The following A1CF variants were observed in gnomAD, a reference collection of about 807,000 sequenced individuals.
A1CF encodes APOBEC1 complementation factor.
Under a neutral mutation model 68.9 loss-of-function variants are expected in A1CF, and 48 were observed. That is an observed-to-expected ratio of 0.70 (90% CI 0.55 to 0.89). The LOEUF is 0.89. Among genes scored for constraint, A1CF ranks in the 40% least tolerant of loss-of-function variants. A1CF has a pLI of 0.00. For missense variants in A1CF, 653 were observed against 718.9 expected (o/e 0.91, Z 1.05); for synonymous variants, 272 against 260.4 (o/e 1.04, Z -0.43).
At chr10:50,876,624 G>A (rs549508430) in intron 1 of A1CF, among the ~76,000 whole-genome samples, 101 of 152,210 alleles carry the variant, frequency 6.6e-4, no homozygotes, top group African/African-American at 1.8e-3. Flanking sequence ...CTCTTCTTGC[G>A]TCTCTAACCT....
At chr10:50,867,665 C>T (rs1841055021) in intron 1 of A1CF, among the ~76,000 whole-genome samples, 1 of 151,998 alleles carries the variant, frequency 6.6e-6, no homozygotes, top group Non-Finnish European at 1.5e-5. Flanking sequence ...TACACTTGCA[C>T]CCTATAAGTT....
chr10:50,863,816 G>C (rs559617152), intron 2 of A1CF, among the ~76,000 whole-genome samples: 1 of 151,948 alleles, frequency 6.6e-6, no homozygotes, highest in South Asian at 2.1e-4. Context: ...TAGTATAGTA[G>C]GGAAATTATA....
chr10:50,877,217 T>A (rs1841553198), intron 1 of A1CF, among the ~76,000 whole-genome samples: 1 of 152,246 alleles, frequency 6.6e-6, no homozygotes, highest in Non-Finnish European at 1.5e-5. Flanking sequence ...GTAGATATTC[T>A]TCAGCTTAAA....
At chr10:50,867,544 T>C (rs867248315) in intron 1 of A1CF, among the ~76,000 whole-genome samples, 36 of 151,962 alleles carry the variant, frequency 2.4e-4, no homozygotes, top group African/African-American at 8.7e-4. Context: ...GGTAATGAAG[T>C]GAAAAGGTGG....
At chr10:50,878,194 A>C (rs1261630946) in intron 1 of A1CF, among the ~76,000 whole-genome samples, 1 of 152,184 alleles carries the variant, frequency 6.6e-6, no homozygotes, top group Non-Finnish European at 1.5e-5. Flanking sequence ...TTTCTACTAC[A>C]AGCCAGTGAT....
At chr10:50,870,892 G>T (rs1455456578) in intron 1 of A1CF, among the ~76,000 whole-genome samples, 1 of 151,548 alleles carries the variant, frequency 6.6e-6, no homozygotes, top group African/African-American at 2.4e-5. Flanking sequence ...AATATACAAT[G>T]AACAAGATGG....
chr10:50,843,980 G>A lies in A1CF; in HGVS notation c.234+8C>T. On this transcript the variant is annotated splice_region_variant and intron_variant, in intron 4 of 12. Coordinates refer to ENST00000373997, the MANE Select transcript of A1CF (RefSeq NM_014576.4). ...ATAAGAAAAATTAAATGTTAAATTT[G>A]GACTCACTTTTTCACATAATGGTAT... 1.9e-6 allele frequency: 3 copies of A among 1,611,638 alleles called. No individual in the cohort carries two copies. The highest frequency in any genetic ancestry group is 2.5e-6 in the Non-Finnish European group (3 of 1,179,032).
In A1CF at chr10:50,836,159, T is replaced by A. The variant is rs1839479159; in HGVS notation, c.519A>T (p.Ala173=). Residue 173 remains alanine (A), a synonymous_variant, in exon 6 of 13, where the codon GCA becomes GCT. Coordinates refer to ENST00000373997, the MANE Select transcript of A1CF (RefSeq NM_014576.4). ...VVDVIVYPSA[A]DKTKNRGFAF... is the part of the protein sequence containing the mutation. The stretch of plus-strand genomic sequence containing the variant: ...CAAAGCCTCGGTTTTTGGTTTTATC[T>A]GCAGCGCTTGGGTAGACGATGACAT... The A allele has an allele frequency of 1.2e-6, 2 of 1,614,082 alleles. No homozygotes were observed. Among genetic ancestry groups the A allele is most frequent in the Non-Finnish European group, 1.7e-6 (2 of 1,179,930 alleles).
At chr10:50,833,525 T>A (rs1180290419) in intron 6 of A1CF, among the ~76,000 whole-genome samples, 1 of 150,076 alleles carries the variant, frequency 6.7e-6, no homozygotes, top group Non-Finnish European at 1.5e-5. Context: ...AGGAGGTAAG[T>A]GACTGAGGAG....
At chr10:50,811,381 A>T (rs1838104914) in intron 10 of A1CF, among the ~76,000 whole-genome samples, 1 of 152,198 alleles carries the variant, frequency 6.6e-6, no homozygotes, top group Non-Finnish European at 1.5e-5. Flanking sequence ...TCATAAAATC[A>T]CTTTCACACC....
intron 2 of A1CF, among the ~76,000 whole-genome samples, chr10:50,861,100 C>T (rs1286556233): frequency 6.6e-6 from 1 of 152,070 alleles, no homozygotes; most frequent in Non-Finnish European, 1.5e-5. Flanking sequence ...CCTTTAAAGA[C>T]TCAGAATGAA....
chr10:50,856,668 G>C (rs1004532238), intron 3 of A1CF, among the ~76,000 whole-genome samples: 1 of 152,038 alleles, frequency 6.6e-6, no homozygotes, highest in African/African-American at 2.4e-5. Flanking sequence ...AACTGTCTGT[G>C]CCTTGTTTTC....
At chr10:50,834,608 A>G (rs1402158956) in intron 6 of A1CF, among the ~76,000 whole-genome samples, 2 of 152,226 alleles carry the variant, frequency 1.3e-5, no homozygotes, top group East Asian at 3.9e-4. Flanking sequence ...ACACACAGCA[A>G]GGAGTTATGA....
chr10:50,819,870 T>C (rs190932669), intron 8 of A1CF, among the ~76,000 whole-genome samples: 2 of 152,336 alleles, frequency 1.3e-5, no homozygotes, highest in African/African-American at 4.8e-5. Context: ...CTCACCACGT[T>C]TATCTCTCTT....
intron 3 of A1CF, among the ~76,000 whole-genome samples, chr10:50,857,878 G>T (rs1362959598): frequency 6.6e-6 from 1 of 152,190 alleles, no homozygotes; most frequent in Non-Finnish European, 1.5e-5. Context: ...CATGAGGGCT[G>T]CTTCAAATAT....
rs757144362 is a variant in A1CF at position 50,806,891 on chromosome 10, A to T, written c.1610-11T>A. ...TAGGGACAGCATATCCTGGAGGAAGAGGCAGAGAAAACTTGATGAAAGGAA... is the reference window on the plus strand; with the variant it reads ...TAGGGACAGCATATCCTGGAGGAAGTGGCAGAGAAAACTTGATGAAAGGAA... On this transcript the variant is annotated splice_polypyrimidine_tract_variant and intron_variant, in intron 12 of 12. Transcript: ENST00000373997. 1 of 1,594,266 alleles carries T rather than the reference A, an allele frequency of 6.3e-7. No individual in the cohort carries two copies. Among genetic ancestry groups the T allele is most frequent in the Non-Finnish European group, 8.5e-7 (1 of 1,173,676 alleles).
chr10:50,863,661 A>G (rs1327048818), intron 2 of A1CF, among the ~76,000 whole-genome samples: 1 of 152,176 alleles, frequency 6.6e-6, no homozygotes, highest in Admixed American at 6.5e-5. Flanking sequence ...TAAGATCAAT[A>G]AGTAGAATAC....
chr10:50,843,851 C>A lies in A1CF; in HGVS notation c.234+137G>T, dbSNP rs183243461. On this transcript the variant is annotated intron_variant, in intron 4 of 12. Coordinates refer to ENST00000373997, the MANE Select transcript of A1CF (RefSeq NM_014576.4). ...ATTATAAAGAGATAATCACTAGAAACTTTGTCTATAATTGAGGAATGGTAA... is the reference window on the plus strand; with the variant it reads ...ATTATAAAGAGATAATCACTAGAAAATTTGTCTATAATTGAGGAATGGTAA... 14 of 1,079,506 alleles carry A rather than the reference C, an allele frequency of 1.3e-5. 2 individuals are homozygous for A. In the Admixed American group the frequency reaches 2.7e-4, roughly 21 times the overall value. 66.9% of individuals were successfully genotyped at this position (1,079,506 alleles called of 1,614,324 possible).
chr10:50,879,155 G>C (rs1309346376), intron 1 of A1CF, among the ~76,000 whole-genome samples: 2 of 152,172 alleles, frequency 1.3e-5, no homozygotes, highest in Non-Finnish European at 2.9e-5. Flanking sequence ...ACTCTATTCA[G>C]GTTGGTGGAG....
Sources: allele counts gnomAD v4.1 joint callset (sites outside exome capture counted in the v4.1 genomes callset), GRCh38; gene constraint gnomAD v4.1.1; transcripts MANE v1.5; gene names NCBI Gene and HGNC (gene_info 2026-07-23, HGNC 2026-07-21).